Variants in SLC9A9 observed in about 807,000 individuals in gnomAD.
SLC9A9 encodes the protein solute carrier family 9 member A9.
SLC9A9 carries 62 observed loss-of-function variants against 77.8 expected under a neutral mutation model. The observed-to-expected ratio is 0.80, with a 90% CI of 0.65 to 0.98. The LOEUF (loss-of-function observed/expected upper bound fraction) is 0.98. SLC9A9 is among the 50% of genes least tolerant of loss of function. The pLI is 0.00. For missense variants in SLC9A9, 775 were observed against 774.9 expected (o/e 1.00, Z 0.00); for synonymous variants, 320 against 283.5 (o/e 1.13, Z -1.29).
chr3:143,524,266 A>C lies in SLC9A9; in HGVS notation c.1089+28096T>G, dbSNP rs562708722. 8.5e-5 allele frequency among the ~76,000 whole-genome samples: 13 copies of C among 152,146 alleles called. No homozygotes were observed. The South Asian group carries it at 1.0e-3, about 12-fold the overall frequency. Reference sequence around the variant, plus strand: ...GGAAAGGATGACCCAACTCACTGAGATCCAAGACCCTGCTGAGATAGAAGA... The same window carrying C: ...GGAAAGGATGACCCAACTCACTGAGCTCCAAGACCCTGCTGAGATAGAAGA... On this transcript the variant is annotated intron_variant, in intron 9 of 15. Transcript: ENST00000316549.
intron 6 of SLC9A9, among the ~76,000 whole-genome samples, chr3:143,582,973 C>G (rs1267742969): frequency 6.6e-6 from 1 of 151,930 alleles, no homozygotes; most frequent in Non-Finnish European, 1.5e-5. Context: ...GGCAACATGG[C>G]AAAACCCCAT....
At chr3:143,789,239 T>C (rs2008147736) in intron 4 of SLC9A9, among the ~76,000 whole-genome samples, 1 of 152,176 alleles carries the variant, frequency 6.6e-6, no homozygotes, top group African/African-American at 2.4e-5. Context: ...GAGTGCATCC[T>C]AGAGAAACCT....
At chr3:143,288,909 G>A (rs890729706) in intron 14 of SLC9A9, among the ~76,000 whole-genome samples, 1 of 152,146 alleles carries the variant, frequency 6.6e-6, no homozygotes, top group Non-Finnish European at 1.5e-5. Flanking sequence ...CTTACCTAAG[G>A]CAAAACAGAT....
At chr3:143,610,948 A>G (rs920643794) in intron 6 of SLC9A9, among the ~76,000 whole-genome samples, 1 of 152,160 alleles carries the variant, frequency 6.6e-6, no homozygotes, top group African/African-American at 2.4e-5. Flanking sequence ...TGGGCTTTCT[A>G]CAGAAGTGAG....
At chr3:143,280,653 C>A (rs1242394136) in intron 14 of SLC9A9, among the ~76,000 whole-genome samples, 1 of 150,158 alleles carries the variant, frequency 6.7e-6, no homozygotes, top group South Asian at 2.1e-4. Flanking sequence ...CAAGTTCAAG[C>A]GATTCTCCTG....
rs7643784 is a variant in SLC9A9, at chr3:143,778,481, G to A, written c.533+16520C>T. ...CGAATACTGGAATTCTTTAATACAG[G>A]GGCAATGAAAGCAAAGACGGTTTTC... On this transcript the variant is annotated intron_variant, in intron 4 of 15. Coordinates refer to ENST00000316549, the MANE Select transcript of SLC9A9 (RefSeq NM_173653.4). Among the ~76,000 whole-genome samples, 753 of 152,148 alleles carry A rather than the reference G, an allele frequency of 4.9e-3. 6 individuals are homozygous for A. The highest frequency in any genetic ancestry group is 0.017 in the African/African-American group (723 of 41,504).
chr3:143,372,102 G>C (rs115160850), intron 13 of SLC9A9: 2,936 of 259,890 alleles, frequency 0.011, 97 homozygotes, highest in African/African-American at 0.063. Context: ...ACATGGTTAT[G>C]GATTAGAAGA....
intron 2 of SLC9A9, among the ~76,000 whole-genome samples, chr3:143,820,046 T>C (rs753940863): frequency 4.6e-5 from 7 of 152,218 alleles, no homozygotes; most frequent in Admixed American, 1.3e-4. Context: ...TTAATATACT[T>C]TGAGCACTTA....
At chr3:143,722,975 A>G (rs771599444) in intron 4 of SLC9A9, among the ~76,000 whole-genome samples, 10 of 152,128 alleles carry the variant, frequency 6.6e-5, no homozygotes, top group Non-Finnish European at 1.3e-4. Context: ...ACTTTCGCCA[A>G]TGCTACCTAT....
chr3:143,789,071 C>T (rs532725587), intron 4 of SLC9A9, among the ~76,000 whole-genome samples: 8 of 152,222 alleles, frequency 5.3e-5, no homozygotes, highest in South Asian at 2.1e-4. Flanking sequence ...ATTCATTTCT[C>T]GACTCTAAAA....
intron 13 of SLC9A9, chr3:143,372,040 T>C: frequency 2.5e-6 from 1 of 402,614 alleles, no homozygotes; most frequent in Non-Finnish European, 4.9e-6. Context: ...TGAGTAGAAC[T>C]ACAAAAACAC....
At chr3:143,773,548 G>A (rs555521466) in intron 4 of SLC9A9, among the ~76,000 whole-genome samples, 2 of 150,692 alleles carry the variant, frequency 1.3e-5, no homozygotes, top group Admixed American at 6.6e-5. Flanking sequence ...GCAATGGCGC[G>A]ATCTTGGCTC....
chr3:143,404,647 T>C (rs2033937248), intron 12 of SLC9A9, among the ~76,000 whole-genome samples: 1 of 152,198 alleles, frequency 6.6e-6, no homozygotes, highest in African/African-American at 2.4e-5. Context: ...TCTACCTCTT[T>C]CCATGTATAT....
At chr3:143,724,221 C>G (rs1934580743) in intron 4 of SLC9A9, among the ~76,000 whole-genome samples, 1 of 152,160 alleles carries the variant, frequency 6.6e-6, no homozygotes, top group East Asian at 1.9e-4. Context: ...CTCACTAGAT[C>G]TGATGGTTTA....
chr3:143,539,655 T>C (rs1576563229), intron 9 of SLC9A9, among the ~76,000 whole-genome samples: 1 of 152,318 alleles, frequency 6.6e-6, no homozygotes, highest in East Asian at 1.9e-4. Context: ...TAAAGGGGGT[T>C]ATGCCATTGC....
chr3:143,468,079 G>A (rs1384145485), intron 11 of SLC9A9, among the ~76,000 whole-genome samples: 2 of 152,112 alleles, frequency 1.3e-5, no homozygotes, highest in Non-Finnish European at 2.9e-5. Context: ...TCTGTTGAAG[G>A]GTATCTGAGT....
intron 7 of SLC9A9, among the ~76,000 whole-genome samples, chr3:143,575,527 A>G (rs2037343273): frequency 6.6e-6 from 1 of 152,144 alleles, no homozygotes; most frequent in South Asian, 2.1e-4. Context: ...TTTTGGTAAA[A>G]CATCTTTTTG....
At chr3:143,505,301 C>T (rs1484744336) in intron 9 of SLC9A9, among the ~76,000 whole-genome samples, 1 of 152,202 alleles carries the variant, frequency 6.6e-6, no homozygotes, top group Non-Finnish European at 1.5e-5. Flanking sequence ...CCAAATAACC[C>T]TCTTTTCAAC....
intron 2 of SLC9A9, among the ~76,000 whole-genome samples, chr3:143,818,395 C>A (rs534171193): frequency 1.4e-4 from 22 of 152,254 alleles, no homozygotes; most frequent in Non-Finnish European, 2.5e-4. Flanking sequence ...CAGCCTCCAC[C>A]TCCCGGCATC....
Sources: gnomAD v4.1 joint callset for allele counts (sites outside exome capture counted in the v4.1 genomes callset) on GRCh38, gnomAD v4.1.1 for gene constraint, MANE v1.5 for transcripts, NCBI Gene and HGNC (gene_info 2026-07-23, HGNC 2026-07-21) for gene names.